The following STRBP variants were observed in gnomAD, a reference collection of about 807,000 sequenced individuals.
The protein encoded by STRBP is spermatid perinuclear RNA-binding protein.
In STRBP, 13 loss-of-function variants were observed where a neutral mutation model predicts 80.1. The ratio of observed to expected loss-of-function variants is 0.16; its 90% CI spans 0.11 to 0.26. The LOEUF is 0.26. Ranked by LOEUF, STRBP falls within the 10% of genes least tolerant of loss-of-function variation. The pLI is 1.00. For synonymous variants in STRBP, 284 were observed against 291.2 expected (o/e 0.98, Z 0.25); for missense variants, 485 against 815.2 (o/e 0.59, Z 4.93).
Position 123,268,515 on chromosome 9 carries a change from G to A in STRBP, c.-381C>T, listed in dbSNP as rs1159964834. 2 of 165,280 alleles carry A rather than the reference G, an allele frequency of 1.2e-5. No individual in the cohort carries two copies. Among genetic ancestry groups the A allele is most frequent in the Middle Eastern group, 2.6e-3 (1 of 390 alleles). The allele number at this position is 165,280 out of a possible 1,614,324, so 10.2% of individuals were successfully genotyped here. On this transcript the variant is annotated 5_prime_UTR_variant, in exon 1 of 19. Coordinates refer to ENST00000348403, the MANE Select transcript of STRBP (RefSeq NM_018387.5). The stretch of plus-strand genomic sequence containing the variant: ...GCCACCTCGCCCGCTCGCGTCTCCG[G>A]CTCCTCTGCCCAGCGGCGGCGGCTG...
chr9:123,239,302 G>A (rs1434468499), intron 1 of STRBP, among the ~76,000 whole-genome samples: 1 of 152,102 alleles, frequency 6.6e-6, no homozygotes, highest in Non-Finnish European at 1.5e-5. Flanking sequence ...GTGAACCCGG[G>A]AGGCAGAGCT....
intron 13 of STRBP, among the ~76,000 whole-genome samples, chr9:123,145,484 C>T (rs2036773203): frequency 6.6e-6 from 1 of 152,140 alleles, no homozygotes; most frequent in South Asian, 2.1e-4. Context: ...TACGAAACAA[C>T]CCACAAAATG....
intron 13 of STRBP, 120 bp from the exon 14 acceptor site, chr9:123,139,807 A>T: frequency 1.1e-6 from 1 of 945,814 alleles, no homozygotes. Flanking sequence ...CCTTGCAGGA[A>T]GAGCAAGATG....
At chr9:123,160,515 T>C (rs562848985) in intron 7 of STRBP, 53 bp from the exon 8 acceptor site, 2 of 1,424,630 alleles carry the variant, frequency 1.4e-6, no homozygotes, top group Non-Finnish European at 1.9e-6. Context: ...ATTCTTCATT[T>C]TGGGCAAGTT....
intron 4 of STRBP, among the ~76,000 whole-genome samples, chr9:123,176,956 G>T (rs2038244972): frequency 6.6e-6 from 1 of 152,130 alleles, no homozygotes; most frequent in Non-Finnish European, 1.5e-5. Flanking sequence ...GTTAAATTAA[G>T]ACAGCATAGG....
intron 1 of STRBP, among the ~76,000 whole-genome samples, chr9:123,255,075 T>C (rs6478601): frequency 0.14 from 21,924 of 152,230 alleles, 5,100 homozygotes; most frequent in African/African-American, 0.49. Context: ...AATAATTTTT[T>C]TGTCTATCAT....
chr9:123,235,903 T>C (rs534003574), intron 2 of STRBP, among the ~76,000 whole-genome samples: 2 of 152,278 alleles, frequency 1.3e-5, no homozygotes, highest in East Asian at 3.9e-4. Context: ...TCTATTAAAA[T>C]AGGAATGTGT....
intron 5 of STRBP, among the ~76,000 whole-genome samples, chr9:123,172,944 A>G (rs548328837): frequency 6.6e-6 from 1 of 152,334 alleles, no homozygotes; most frequent in African/African-American, 2.4e-5. Flanking sequence ...AAACTAATAT[A>G]AAATTATCAA....
chr9:123,158,311 G>A (rs1456332658), intron 10 of STRBP, 21 bp downstream of exon 10: 1 of 1,605,660 alleles, frequency 6.2e-7, no homozygotes, highest in Non-Finnish European at 8.5e-7. Flanking sequence ...ATAAGTCAGA[G>A]TGGCATGCTC....
intron 17 of STRBP, among the ~76,000 whole-genome samples, chr9:123,129,868 C>T (rs1308442081): frequency 6.6e-6 from 1 of 152,180 alleles, no homozygotes; most frequent in Non-Finnish European, 1.5e-5. Context: ...AGTCATATAA[C>T]TCAGTCTGAG....
intron 11 of STRBP, 118 bp from the exon 12 acceptor site, chr9:123,147,988 CT>C: frequency 2.5e-6 from 2 of 812,030 alleles, no homozygotes; most frequent in South Asian, 2.7e-5. Context: ...GACCATACAA[CT>C]TTTTCACTGA....
intron 1 of STRBP, among the ~76,000 whole-genome samples, chr9:123,246,112 T>C (rs549971948): frequency 7.9e-5 from 12 of 152,260 alleles, no homozygotes; most frequent in Non-Finnish European, 1.5e-4. Context: ...CAATATTCCA[T>C]TTTAGACTTA....
chr9:123,268,392 G>A, intron 1 of STRBP, 44 bp downstream of exon 1: 1 of 150,530 alleles, frequency 6.6e-6, no homozygotes. Flanking sequence ...CGCCCGCCCG[G>A]GACGGCCCGC....
chr9:123,142,730 T>G (rs1222301957), intron 13 of STRBP, among the ~76,000 whole-genome samples: 4 of 151,880 alleles, frequency 2.6e-5, no homozygotes, highest in African/African-American at 7.3e-5. Flanking sequence ...CAATAATAGT[T>G]CCTGATAACA....
At chr9:123,157,353 C>T (rs1376613945) in intron 11 of STRBP, among the ~76,000 whole-genome samples, 1 of 152,178 alleles carries the variant, frequency 6.6e-6, no homozygotes, top group Non-Finnish European at 1.5e-5. Flanking sequence ...TCTCCTTAGA[C>T]CAGGGGTTCT....
rs192370743 is a variant in STRBP at position 123,134,827 on chromosome 9, A to C, written c.1773+1214T>G. Among the ~76,000 whole-genome samples, 5 of 152,340 alleles carry C rather than the reference A, an allele frequency of 3.3e-5. No individual in the cohort carries two copies. In the East Asian group the frequency reaches 9.6e-4, roughly 29 times the overall value. ...CATAAAACAAGCTCATAAAACAAGA[A>C]TCATCTTTCAACTAATTTAGAACAT... is the stretch of plus-strand genomic sequence containing the variant. On this transcript the variant is annotated intron_variant, in intron 16 of 18. Transcript: ENST00000348403.
At chr9:123,132,114 T>C (rs1267329618) in intron 17 of STRBP, among the ~76,000 whole-genome samples, 2 of 152,170 alleles carry the variant, frequency 1.3e-5, no homozygotes, top group Non-Finnish European at 2.9e-5. Context: ...TTCTCCCAAA[T>C]CTTCTTTAAG....
At chr9:123,183,998 G>T in intron 3 of STRBP, 134 bp downstream of exon 3, 1 of 694,554 alleles carries the variant, frequency 1.4e-6, no homozygotes. Flanking sequence ...ATAGTAGAGT[G>T]CCATCTTTAT....
In STRBP at chr9:123,158,433, T is replaced by G. The variant is rs1363668794; in HGVS notation, c.836-4A>C. On this transcript the variant is annotated splice_region_variant and splice_polypyrimidine_tract_variant and intron_variant, in intron 9 of 18. Coordinates refer to ENST00000348403, the MANE Select transcript of STRBP (RefSeq NM_018387.5). ...GGATCATGAAGACCAGGACCCCCTT[T>G]GGCAAAGGAAAAACACAAGTATCAT... 2 of 1,612,880 alleles carry G rather than the reference T, an allele frequency of 1.2e-6. No homozygotes were observed. The highest frequency in any genetic ancestry group is 1.7e-6 in the Non-Finnish European group (2 of 1,179,414).
Sources: allele counts gnomAD v4.1 joint callset (sites outside exome capture counted in the v4.1 genomes callset), GRCh38; gene constraint gnomAD v4.1.1; transcripts MANE v1.5; gene names NCBI Gene and HGNC (gene_info 2026-07-23, HGNC 2026-07-21).